Variants in HDAC7 observed in about 807,000 individuals in gnomAD.
The protein encoded by HDAC7 is histone deacetylase 7A.
In HDAC7, 26 loss-of-function variants were observed where a neutral mutation model predicts 115.5. The observed-to-expected ratio is 0.23, with a 90% CI of 0.16 to 0.31. The LOEUF (loss-of-function observed/expected upper bound fraction) is 0.31. Among genes scored for constraint, HDAC7 ranks in the 10% least tolerant of loss-of-function variants. The pLI, the probability that HDAC7 is intolerant of heterozygous loss-of-function variation, is 1.00. For synonymous variants in HDAC7, 564 were observed against 550.9 expected (o/e 1.02, Z -0.33); for missense variants, 1,068 against 1,329.0 (o/e 0.80, Z 3.05).
At chr12:47,794,663 T>A in intron 12 of HDAC7, 97 bp downstream of exon 12, 1 of 1,272,784 alleles carries the variant, frequency 7.9e-7, no homozygotes, top group Non-Finnish European at 1.1e-6. Flanking sequence ...GAGCTGCCTG[T>A]TGCACTGATG....
At chr12:47,807,249 A>G (rs904230748) in intron 1 of HDAC7, among the ~76,000 whole-genome samples, 2 of 151,988 alleles carry the variant, frequency 1.3e-5, no homozygotes, top group African/African-American at 4.8e-5. Context: ...CCCCTGCCCT[A>G]TCTCTTATCC....
At chr12:47,788,305 G>A (rs1943284708) in intron 19 of HDAC7, 141 bp from the exon 20 acceptor site, 1 of 1,017,684 alleles carries the variant, frequency 9.8e-7, no homozygotes, top group East Asian at 2.7e-5. Context: ...AAAGCCACAC[G>A]GTCGAGTGGC....
Position 47,819,798 on chromosome 12 carries a change from GC to G in HDAC7, c.-14del. 2 of 393,516 alleles carry G rather than the reference GC, an allele frequency of 5.1e-6. No individual in the cohort carries two copies. The highest frequency in any genetic ancestry group is 6.9e-6 in the Non-Finnish European group (2 of 291,638). 24.4% of individuals were successfully genotyped at this position (393,516 alleles called of 1,614,324 possible). A position where few individuals can be genotyped will look rare whatever the true frequency, so the allele number is the denominator to read the frequency against. On this transcript the variant is annotated 5_prime_UTR_variant, in exon 1 of 26. Transcript: ENST00000080059. ...CGGGGCTGTGCATCCAGGGGCCGGG[GC>G]CCTCAGAGCGGGGGGCTCATGGCGG...
In HDAC7 at chr12:47,795,920, G is replaced by GCAGCCC. The variant is rs781359010; in HGVS notation, c.886_891dup (p.Gly296_Leu297dup). 9.3e-5 allele frequency: 144 copies of GCAGCCC among 1,549,930 alleles called. No individual in the cohort carries two copies. In the African/African-American group the frequency reaches 1.8e-3, roughly 19 times the overall value. On this transcript the variant is annotated inframe_insertion, in exon 9 of 26. Coordinates refer to ENST00000080059, the MANE Select transcript of HDAC7 (RefSeq NM_015401.5). This position sits in a 1 kb window ranked among gnomAD's most constrained non-coding sequence, Gnocchi z 4.3. Reference sequence around the variant, plus strand: ...CAGCCACTCACCCTGGCAGGGGCGGGCAGCCCCAGAGTGATTGCGGGCAGC... The same window carrying GCAGCCC: ...CAGCCACTCACCCTGGCAGGGGCGGGCAGCCCCAGCCCCAGAGTGATTGCGGGCAGC...
chr12:47,790,807 T>G, intron 16 of HDAC7: 3 of 205,880 alleles, frequency 1.5e-5, no homozygotes, highest in South Asian at 7.2e-5. Context: ...GAGTGGGGAG[T>G]GCTGGGATCG....
chr12:47,805,991 A>G (rs974277938), intron 1 of HDAC7, among the ~76,000 whole-genome samples: 2 of 152,166 alleles, frequency 1.3e-5, no homozygotes, highest in Non-Finnish European at 2.9e-5. Context: ...TGCAGATACT[A>G]AAAAAAATTC....
rs1338880660 is a variant in HDAC7 at position 47,795,161 on chromosome 12, C to T, written c.1284+23G>A. The T allele has an allele frequency of 1.3e-6, 2 of 1,592,330 alleles. No individual in the cohort carries two copies. The highest frequency in any genetic ancestry group is 3.4e-5 in the Admixed American group (2 of 58,800). ...CCCCAGTTAAACACTCCCTCAATAC[C>T]TCCACTGCCCAATTCCTCTCACCTT... On this transcript the variant is annotated intron_variant, in intron 11 of 25. Transcript: ENST00000080059. The surrounding 1 kb of genome is among the most constrained non-coding windows in gnomAD (Gnocchi z 4.3).
At chr12:47,785,184 G>C in intron 24 of HDAC7, 1 of 573,892 alleles carries the variant, frequency 1.7e-6, no homozygotes, top group East Asian at 3.0e-5. Context: ...GGCCCTGCTG[G>C]CTCCATCGGG....
intron 2 of HDAC7, among the ~76,000 whole-genome samples, chr12:47,800,868 T>C (rs1038129110): frequency 3.3e-5 from 5 of 152,250 alleles, no homozygotes; most frequent in African/African-American, 1.2e-4. Context: ...CCTGGAGCCC[T>C]GGAAATACTT....
At position 47,798,273 on chromosome 12, in the gene HDAC7, G is replaced by T. The variant is rs1030308949; in HGVS notation, c.350-54C>A. 21 of 1,361,958 alleles carry T rather than the reference G, an allele frequency of 1.5e-5. No individual in the cohort carries two copies. In the African/African-American group the frequency reaches 2.6e-4, roughly 17 times the overall value. The allele number at this position is 1,361,958 out of a possible 1,614,324, so 84.4% of individuals were successfully genotyped here. On this transcript the variant is annotated intron_variant, in intron 4 of 25. Coordinates refer to ENST00000080059, the MANE Select transcript of HDAC7 (RefSeq NM_015401.5). The surrounding 1 kb of genome is among the most constrained non-coding windows in gnomAD (Gnocchi z 4.3). ...GAGGTGGGTGGACAGGCGGCCTCGT[G>T]GCACTACCTGGCCACTGCCCTGTCC... is the stretch of plus-strand genomic sequence containing the variant.
At position 47,784,234 on chromosome 12, in the gene HDAC7, G is replaced by T; in HGVS notation, c.2792-17C>A. 6.2e-7 allele frequency: 1 copy of T among 1,603,194 alleles called. No individual in the cohort carries two copies. Among genetic ancestry groups the T allele is most frequent in the Non-Finnish European group, 8.5e-7 (1 of 1,174,872 alleles). ...AGTATTTACCTGGGGTAAGATGCCA[G>T]GTCAGAAAGGGTTGGAGAAAGCAAG... On this transcript the variant is annotated splice_polypyrimidine_tract_variant and intron_variant, in intron 24 of 25. Coordinates refer to ENST00000080059, the MANE Select transcript of HDAC7 (RefSeq NM_015401.5).
At chr12:47,814,588 G>C (rs1944798648) in intron 1 of HDAC7, among the ~76,000 whole-genome samples, 1 of 152,248 alleles carries the variant, frequency 6.6e-6, no homozygotes, top group Non-Finnish European at 1.5e-5. Flanking sequence ...GAGTGGCTTT[G>C]ATCTTGGCCT....
intron 15 of HDAC7, 138 bp from the exon 16 acceptor site, chr12:47,791,446 G>A (rs1461378081): frequency 4.3e-6 from 6 of 1,385,064 alleles, no homozygotes; most frequent in South Asian, 2.8e-5. Flanking sequence ...GGTGGGCTGA[G>A]GAGGGGCTTG....
At chr12:47,817,817 C>G (rs553963353) in intron 1 of HDAC7, 1 of 152,272 alleles carries the variant, frequency 6.6e-6, no homozygotes, top group Non-Finnish European at 1.5e-5. Flanking sequence ...AGTCCTTGGG[C>G]ATGCTTGCCC....
At chr12:47,791,820 C>CCCCCAA in intron 14 of HDAC7, 51 bp downstream of exon 14, 1 of 1,581,788 alleles carries the variant, frequency 6.3e-7, no homozygotes, top group Non-Finnish European at 8.6e-7. Context: ...CCCTCCCCTC[C>CCCCCAA]CATGACTCCT....
At chr12:47,802,062 A>AC (rs1322658727) in intron 2 of HDAC7, among the ~76,000 whole-genome samples, 162 bp downstream of exon 2, 1 of 151,804 alleles carries the variant, frequency 6.6e-6, no homozygotes, top group Non-Finnish European at 1.5e-5. Flanking sequence ...TGCCTCTCTT[A>AC]CCCCGGCTCC....
chr12:47,793,360 CGGTCTCA>C lies in HDAC7; in HGVS notation c.1678+2_1678+8del. The C allele has an allele frequency of 6.7e-7, 1 of 1,499,202 alleles. No homozygotes were observed. The highest frequency in any genetic ancestry group is 9.0e-7 in the Non-Finnish European group (1 of 1,114,158). 92.9% of individuals were successfully genotyped at this position (1,499,202 alleles called of 1,614,324 possible). On this transcript the variant is annotated splice_donor_variant and splice_donor_5th_base_variant and intron_variant, in intron 13 of 25. Transcript: ENST00000080059. LOFTEE classifies it high-confidence loss of function. The surrounding 1 kb of genome is among the most constrained non-coding windows in gnomAD (Gnocchi z 4.5). ...CTCCCTCCACCCGCCACCCTCCTCC[CGGTCTCA>C]CCTGTGGTGAAGGGCAGGGTCCTGG...
chr12:47,798,539 G>A lies in HDAC7; in HGVS notation c.349+23C>T. ...GCACCTGGCTGGTGGGGCTGGGCTG[G>A]GCTGGGGTGGCCACCTCCTTACTTC... On this transcript the variant is annotated intron_variant, in intron 4 of 25. Coordinates refer to ENST00000080059, the MANE Select transcript of HDAC7 (RefSeq NM_015401.5). This position sits in a 1 kb window ranked among gnomAD's most constrained non-coding sequence, Gnocchi z 4.3. 1 of 1,609,060 alleles carries A rather than the reference G, an allele frequency of 6.2e-7. No individual in the cohort carries two copies. The highest frequency in any genetic ancestry group is 8.5e-7 in the Non-Finnish European group (1 of 1,176,708).
rs1427718253 is a variant in HDAC7, at chr12:47,795,260, C to G, written c.1208G>C (p.Ser403Thr). The G allele has an allele frequency of 3.1e-6, 5 of 1,612,190 alleles. No individual in the cohort carries two copies. In the East Asian group the frequency reaches 1.1e-4, roughly 36 times the overall value. ...SRTRSEPLPP[S>T]ATAPPPPGPM... is the part of the protein sequence containing the mutation. ...GCCCGGCGGTGGGGGAGCGGTGGCA[C>G]TGGGGGGCAGGGGCTCTGAGCGAGT... The change falls in exon 11 of 26, where the codon AGT becomes ACT. Residue 403 changes from serine to threonine, a missense_variant. This residue lies in a region of HDAC7 where 618 missense variants were observed against 701.5 expected (regional missense o/e 0.88). Coordinates refer to ENST00000080059, the MANE Select transcript of HDAC7 (RefSeq NM_015401.5). The surrounding 1 kb of genome is among the most constrained non-coding windows in gnomAD (Gnocchi z 4.3).
Sources: gnomAD v4.1 joint callset for allele counts (sites outside exome capture counted in the v4.1 genomes callset) on GRCh38, gnomAD v4.1.1 for gene constraint, gnomAD v4.1.1 regional missense constraint, Gnocchi (gnomAD v3.1) non-coding constraint, MANE v1.5 for transcripts, NCBI Gene and HGNC (gene_info 2026-07-23, HGNC 2026-07-21) for gene names.